The following CTNND2 variants were observed in gnomAD, a reference collection of about 807,000 sequenced individuals.
CTNND2 encodes the protein catenin delta-2.
In CTNND2, 22 loss-of-function variants were observed where a neutral mutation model predicts 144.4. The ratio of observed to expected loss-of-function variants is 0.15; its 90% confidence interval spans 0.11 to 0.22. The LOEUF is 0.22. Ranked by LOEUF, CTNND2 falls within the 10% of genes least tolerant of loss-of-function variation. The pLI, the probability that CTNND2 is intolerant of heterozygous loss-of-function variation, is 1.00. For synonymous variants in CTNND2, 751 were observed against 695.6 expected, an observed-to-expected ratio of 1.08 and a Z score of -1.25; for missense variants, 1,353 against 1,618.8, an observed-to-expected ratio of 0.84 and a Z score of 2.82.
chr5:11,838,788 T>C (rs988648769), intron 1 of CTNND2, among the ~76,000 whole-genome samples: 6 of 152,228 alleles, frequency 3.9e-5, no homozygotes, highest in African/African-American at 1.4e-4. Flanking sequence ...TATCTTAAAA[T>C]CTATGACATC....
intron 8 of CTNND2, among the ~76,000 whole-genome samples, chr5:11,355,008 T>C (rs1409878919): frequency 6.6e-6 from 1 of 152,060 alleles, no homozygotes; most frequent in African/African-American, 2.4e-5. Context: ...AACAATTTAA[T>C]GAAATTAAAC....
At chr5:11,527,630 A>G (rs1773376843) in intron 3 of CTNND2, among the ~76,000 whole-genome samples, 1 of 152,206 alleles carries the variant, frequency 6.6e-6, no homozygotes, top group South Asian at 2.1e-4. Context: ...GAGACTTTTT[A>G]TCAGTTGTTC....
intron 3 of CTNND2, among the ~76,000 whole-genome samples, chr5:11,415,608 A>G (rs1328620289): frequency 6.6e-6 from 1 of 152,144 alleles, no homozygotes. Flanking sequence ...GAGTAAGACC[A>G]CTGCCTCTAA....
chr5:11,853,361 T>C (rs1213812657), intron 1 of CTNND2, among the ~76,000 whole-genome samples: 1 of 152,156 alleles, frequency 6.6e-6, no homozygotes, highest in Non-Finnish European at 1.5e-5. Flanking sequence ...TGGCCACTTC[T>C]CCCTCTTCTG....
At position 10,988,394 on chromosome 5, in the gene CTNND2, C is replaced by A; in HGVS notation, c.3212-152G>T. The A allele has an allele frequency of 1.1e-6, 1 of 909,320 alleles. No individual in the cohort carries two copies. Among genetic ancestry groups the A allele is most frequent in the Non-Finnish European group, 1.6e-6 (1 of 621,350 alleles). The allele number at this position is 909,320 out of a possible 1,614,324, so 56.3% of individuals were successfully genotyped here. On this transcript the variant is annotated intron_variant, in intron 19 of 21. Transcript: ENST00000304623. The surrounding 1 kb of genome is among the most constrained non-coding windows in gnomAD (Gnocchi z 5.9). ...TTTCTTTTTAATTTTTATTTTTTGG[C>A]AGTTTTGGCTCTTGTCCCTGCCCCA...
intron 1 of CTNND2, among the ~76,000 whole-genome samples, chr5:11,896,069 C>A (rs1362529205): frequency 6.6e-6 from 1 of 152,030 alleles, no homozygotes; most frequent in Non-Finnish European, 1.5e-5. Flanking sequence ...TGAAAACATC[C>A]AGTTCTAGGA....
chr5:11,872,392 G>C (rs1735209070), intron 1 of CTNND2, among the ~76,000 whole-genome samples: 1 of 152,094 alleles, frequency 6.6e-6, no homozygotes, highest in South Asian at 2.1e-4. Flanking sequence ...CCTTTGAATA[G>C]ATACCCAGTA....
At chr5:11,148,753 G>A (rs1475138458) in intron 12 of CTNND2, among the ~76,000 whole-genome samples, 3 of 152,170 alleles carry the variant, frequency 2.0e-5, no homozygotes, top group Non-Finnish European at 2.9e-5. Context: ...TGGGGATCCC[G>A]GCTGGGTGCT....
chr5:11,346,668 C>T lies in CTNND2; in HGVS notation c.1373-41G>A. ...AGGGACAAAGTAAAAAATTGAGGAC[C>T]TGCTCACAGAAATGGTTAACCAGGT... On this transcript the variant is annotated intron_variant, in intron 8 of 21. Coordinates refer to ENST00000304623, the MANE Select transcript of CTNND2 (RefSeq NM_001332.4). The T allele has an allele frequency of 3.5e-6, 5 of 1,421,134 alleles. No homozygotes were observed. In the South Asian group the frequency reaches 6.4e-5, roughly 18 times the overall value. 88.0% of individuals were successfully genotyped at this position (1,421,134 alleles called of 1,614,324 possible). A position where few individuals can be genotyped will look rare whatever the true frequency, so the allele number is the denominator to read the frequency against.
At position 11,715,709 on chromosome 5, in the gene CTNND2, G is replaced by C. The variant is rs181148765; in HGVS notation, c.174+16427C>G. ...CTTAAGATAGAAATGGAAATGTTATGGGCCTGCCTATAAAGAGATTACCCA... is the reference window on the plus strand; with the variant it reads ...CTTAAGATAGAAATGGAAATGTTATCGGCCTGCCTATAAAGAGATTACCCA... On this transcript the variant is annotated intron_variant, in intron 2 of 21. Coordinates refer to ENST00000304623, the MANE Select transcript of CTNND2 (RefSeq NM_001332.4). Among the ~76,000 whole-genome samples, 366 of 152,270 alleles carry C rather than the reference G, an allele frequency of 2.4e-3. 1 individual carries two copies. The highest frequency in any genetic ancestry group is 8.6e-3 in the African/African-American group (358 of 41,544).
Position 11,352,422 on chromosome 5 carries a change from A to G in CTNND2, c.1373-5795T>C, listed in dbSNP as rs1001337671. Among the ~76,000 whole-genome samples the G allele has an allele frequency of 3.9e-5, 6 of 152,192 alleles. No individual in the cohort carries two copies. The East Asian group carries it at 7.7e-4, about 19-fold the overall frequency. On this transcript the variant is annotated intron_variant, in intron 8 of 21. Coordinates refer to ENST00000304623, the MANE Select transcript of CTNND2 (RefSeq NM_001332.4). The stretch of plus-strand genomic sequence containing the variant: ...AAAAATTTAAAAATGCAAGCTCTTC[A>G]TCTGGATAAATGGCTAATACATGCA...
At chr5:11,650,202 A>C (rs1363902976) in intron 2 of CTNND2, among the ~76,000 whole-genome samples, 1 of 152,052 alleles carries the variant, frequency 6.6e-6, no homozygotes, top group Non-Finnish European at 1.5e-5. Flanking sequence ...TGGTTGTTTA[A>C]AAGTGTGCAA....
intron 1 of CTNND2, among the ~76,000 whole-genome samples, chr5:11,834,423 A>T (rs1219148897): frequency 6.6e-6 from 1 of 152,184 alleles, no homozygotes; most frequent in African/African-American, 2.4e-5. Context: ...ATATAAATAC[A>T]AAAAAGTCTT....
chr5:11,492,405 A>G (rs747841840), intron 3 of CTNND2, among the ~76,000 whole-genome samples: 2 of 152,090 alleles, frequency 1.3e-5, no homozygotes, highest in Non-Finnish European at 2.9e-5. Context: ...GTATGTGTAA[A>G]TATCAGAAAA....
chr5:11,717,214 T>G (rs1297206159), intron 2 of CTNND2, among the ~76,000 whole-genome samples: 1 of 152,060 alleles, frequency 6.6e-6, no homozygotes, highest in Non-Finnish European at 1.5e-5. Context: ...AAATAGTGAT[T>G]TTTTGAAAAG....
Position 11,071,406 on chromosome 5 carries a change from C to T in CTNND2, c.2788+11290G>A, listed in dbSNP as rs145321823. ...TACAAAAATTAGTCAGGCATGGTGG[C>T]GTCTGCACCTGTAATCCCAGATACC... On this transcript the variant is annotated intron_variant, in intron 16 of 21. Coordinates refer to ENST00000304623, the MANE Select transcript of CTNND2 (RefSeq NM_001332.4). Among the ~76,000 whole-genome samples the T allele has an allele frequency of 4.7e-3, 709 of 152,118 alleles. 1 individual carries two copies. The highest frequency in any genetic ancestry group is 0.01 in the Middle Eastern group (3 of 294).
chr5:11,891,534 G>A (rs770542151), intron 1 of CTNND2, among the ~76,000 whole-genome samples: 8 of 152,200 alleles, frequency 5.3e-5, no homozygotes, highest in Admixed American at 6.5e-5. Flanking sequence ...TGGGACCCCC[G>A]GAAGGTAATT....
chr5:11,417,867 G>A (rs1762046623), intron 3 of CTNND2, among the ~76,000 whole-genome samples: 2 of 152,082 alleles, frequency 1.3e-5, no homozygotes, highest in African/African-American at 4.8e-5. Context: ...CTACATTGTT[G>A]TAATAGCAAG....
intron 2 of CTNND2, among the ~76,000 whole-genome samples, chr5:11,723,130 T>C (rs184409971): frequency 1.3e-4 from 20 of 152,294 alleles, no homozygotes; most frequent in Middle Eastern, 3.4e-3. Flanking sequence ...CTTGGCATAA[T>C]TGTATACAAA....
Sources: gnomAD v4.1 joint callset for allele counts (sites outside exome capture counted in the v4.1 genomes callset) on GRCh38, gnomAD v4.1.1 for gene constraint, Gnocchi (gnomAD v3.1) non-coding constraint, MANE v1.5 for transcripts, NCBI Gene and HGNC (gene_info 2026-07-23, HGNC 2026-07-21) for gene names.